KIAA1217: variants seen among roughly 807,000 people sequenced by gnomAD.
KIAA1217 encodes the protein sickle tail protein homolog.
A neutral mutation model predicts 163.9 loss-of-function variants in KIAA1217; 88 were observed. The observed-to-expected ratio is 0.54, with a 90% CI of 0.45 to 0.64. KIAA1217 has a LOEUF of 0.64. Ranked by LOEUF, KIAA1217 falls within the 30% of genes least tolerant of loss-of-function variation. The pLI, the probability that KIAA1217 is intolerant of heterozygous loss-of-function variation, is 0.00. For missense variants in KIAA1217, 2,372 were observed against 2,475.0 expected (o/e 0.96, Z 0.88); for synonymous variants, 903 against 923.1 (o/e 0.98, Z 0.39).
chr10:24,368,775 G>A (rs1274477658), intron 2 of KIAA1217: 1 of 863,278 alleles, frequency 1.2e-6, no homozygotes, highest in African/African-American at 1.9e-5. Flanking sequence ...GAAGCTACGG[G>A]ACTTCCCAAG....
chr10:23,839,997 T>C (rs905014425), intron 1 of KIAA1217, among the ~76,000 whole-genome samples: 1 of 152,086 alleles, frequency 6.6e-6, no homozygotes, highest in African/African-American at 2.4e-5. Context: ...GTTGATGGCT[T>C]TTCTCATTTT....
At chr10:24,257,745 C>T (rs772421256) in intron 2 of KIAA1217, among the ~76,000 whole-genome samples, 18 of 152,158 alleles carry the variant, frequency 1.2e-4, no homozygotes, top group South Asian at 2.1e-4. Context: ...ACTGATGCTT[C>T]CTGAAAACAG....
chr10:24,255,249 C>G (rs186428342), intron 2 of KIAA1217: 67 of 269,494 alleles, frequency 2.5e-4, no homozygotes, highest in Non-Finnish European at 4.4e-4. Flanking sequence ...TTGTTAGTGT[C>G]CACATCCGGA....
chr10:24,334,139 AT>A (rs2046034348), intron 2 of KIAA1217, among the ~76,000 whole-genome samples: 1 of 152,218 alleles, frequency 6.6e-6, no homozygotes, highest in Non-Finnish European at 1.5e-5. Context: ...TTTATAAAAT[AT>A]TTGAGTTTGG....
chr10:24,111,925 A>G (rs1328514228), intron 2 of KIAA1217, among the ~76,000 whole-genome samples: 1 of 151,598 alleles, frequency 6.6e-6, no homozygotes, highest in Non-Finnish European at 1.5e-5. Context: ...ACACCACCAT[A>G]CTCAGCTAAT....
intron 2 of KIAA1217, among the ~76,000 whole-genome samples, chr10:24,195,328 A>G (rs2066934611): frequency 6.6e-6 from 1 of 152,172 alleles, no homozygotes; most frequent in African/African-American, 2.4e-5. Flanking sequence ...CCTGACCGAG[A>G]AAACCATTAG....
In KIAA1217 at chr10:24,473,843, G is replaced by T. The variant is rs147538283; in HGVS notation, c.1462G>T (p.Ala488Ser). ...VSDLRMIDMHAHYNAHGPPHT... is the reference protein window; with the variant it reads ...VSDLRMIDMHSHYNAHGPPHT... ...TGACCTGAGGATGATAGACATGCAC[G>T]CTCACTATAATGCCCACGGCCCCCC... The change falls in exon 6 of 21, where the codon GCT (alanine) becomes TCT (serine). Residue 488 changes from alanine to serine, a missense_variant. By Grantham distance (99) the Ala-to-Ser change is moderately conservative. This residue lies in a region of KIAA1217 where 1,431 missense variants were observed against 1,470.3 expected (regional missense o/e 0.97). Coordinates refer to ENST00000376454, the MANE Select transcript of KIAA1217 (RefSeq NM_019590.5). The T allele has an allele frequency of 1.9e-6, 3 of 1,613,944 alleles. No homozygotes were observed. The highest frequency in any genetic ancestry group is 2.7e-5 in the African/African-American group (2 of 74,882).
intron 2 of KIAA1217, among the ~76,000 whole-genome samples, chr10:24,374,654 A>G (rs537999934): frequency 2.2e-4 from 33 of 152,324 alleles, no homozygotes; most frequent in Admixed American, 1.2e-3. Flanking sequence ...CAGAGTGATC[A>G]TAGTTGCAAG....
intron 1 of KIAA1217, among the ~76,000 whole-genome samples, chr10:23,997,763 C>T (rs1364086062): frequency 2.0e-5 from 3 of 152,114 alleles, no homozygotes; most frequent in Non-Finnish European, 4.4e-5. Flanking sequence ...GCATCAGGGC[C>T]CTGTATATTC....
intron 1 of KIAA1217, among the ~76,000 whole-genome samples, chr10:23,775,873 T>C (rs921906722): frequency 6.6e-6 from 1 of 152,220 alleles, no homozygotes; most frequent in African/African-American, 2.4e-5. Context: ...TCAGTGCCTT[T>C]TTTCTATTTT....
chr10:24,209,035 G>A, upstream of KIAA1217: 1 of 618,478 alleles, frequency 1.6e-6, no homozygotes. Context: ...TCTCGGGCGA[G>A]GGAGACTTTG....
At chr10:23,777,954 C>CTTTTTTTTTTTT (rs1322813122) in intron 1 of KIAA1217, among the ~76,000 whole-genome samples, 4 of 151,530 alleles carry the variant, frequency 2.6e-5, no homozygotes, top group African/African-American at 9.7e-5. Flanking sequence ...TTTTCTTTTT[C>CTTTTTTTTTTTT]TTTTTTGAGA....
At position 24,542,939 on chromosome 10, in the gene KIAA1217, G is replaced by A. The variant is rs761808332; in HGVS notation, c.3669G>A (p.Glu1223=). The change falls in exon 19 of 21, where the codon GAG becomes GAA. Residue 1223 remains glutamate (E), a synonymous_variant. Coordinates refer to ENST00000376454, the MANE Select transcript of KIAA1217 (RefSeq NM_019590.5). ...SDPPKWERGM[E]NSISDASRTS... The stretch of plus-strand genomic sequence containing the variant: ...CTCCTAAGTGGGAAAGAGGAATGGA[G>A]AATAGTATTTCTGATGCATCAAGAA... 50 of 1,613,524 alleles carry A rather than the reference G, an allele frequency of 3.1e-5. No homozygotes were observed. The South Asian group carries it at 5.4e-4, about 17-fold the overall frequency.
chr10:24,312,300 T>C (rs974947756), intron 2 of KIAA1217, among the ~76,000 whole-genome samples: 1 of 147,528 alleles, frequency 6.8e-6, no homozygotes, highest in Non-Finnish European at 1.5e-5. Context: ...GAACTTCATG[T>C]CATAGATTTA....
At chr10:24,361,962 G>A (rs1397139578) in intron 2 of KIAA1217, among the ~76,000 whole-genome samples, 1 of 134,646 alleles carries the variant, frequency 7.4e-6, no homozygotes, top group Non-Finnish European at 1.5e-5. Context: ...CAGCCTGGGC[G>A]ACACAGCGAG....
chr10:23,783,216 A>G (rs977885251), intron 1 of KIAA1217, among the ~76,000 whole-genome samples: 5 of 152,042 alleles, frequency 3.3e-5, no homozygotes, highest in Admixed American at 2.6e-4. Context: ...AAAAAATCTC[A>G]TACTGTTTTA....
In KIAA1217 at chr10:23,790,062, CAT is replaced by C. The variant is rs1189600229; in HGVS notation, c.-321+94831_-321+94832del. 1.4e-4 allele frequency among the ~76,000 whole-genome samples: 17 copies of C among 117,532 alleles called. No homozygotes were observed. In the South Asian group the frequency reaches 4.2e-3, roughly 29 times the overall value. 77.1% of individuals were successfully genotyped at this position (117,532 alleles called of 152,430 possible). On this transcript the variant is annotated intron_variant, in intron 1 of 18. Coordinates refer to the KIAA1217 transcript ENST00000376462. ...ATACATATGCATATACACATATACA[CAT>C]ATGCATATACACATATACACATATG...
chr10:23,875,307 G>A (rs1428530514), intron 1 of KIAA1217, among the ~76,000 whole-genome samples: 1 of 152,028 alleles, frequency 6.6e-6, no homozygotes, highest in African/African-American at 2.4e-5. Flanking sequence ...CCAGGACTCT[G>A]ATAGGAGGCA....
intron 5 of KIAA1217, among the ~76,000 whole-genome samples, chr10:24,454,127 CCTCT>C (rs968543831): frequency 6.6e-6 from 1 of 152,066 alleles, no homozygotes; most frequent in East Asian, 1.9e-4. Flanking sequence ...AATTCTAATT[CCTCT>C]CTAAGAGTTC....
Sources: allele counts gnomAD v4.1 joint callset (sites outside exome capture counted in the v4.1 genomes callset), GRCh38; gene constraint gnomAD v4.1.1; regional missense constraint gnomAD v4.1.1; transcripts MANE v1.5; gene names NCBI Gene and HGNC (gene_info 2026-07-23, HGNC 2026-07-21).